The following CUX2 variants were observed in gnomAD, a reference collection of about 807,000 sequenced individuals.
CUX2 encodes homeobox protein cut-like 2.
CUX2 carries 40 observed loss-of-function variants against 144.8 expected under a neutral mutation model. That is an observed-to-expected ratio of 0.28 (90% CI 0.21 to 0.36). The LOEUF is 0.36. Among genes scored for constraint, CUX2 ranks in the 10% least tolerant of loss-of-function variants. CUX2 has a pLI of 1.00. For synonymous variants in CUX2, 827 were observed against 875.6 expected (o/e 0.94, Z 0.98); for missense variants, 1,615 against 1,994.0 (o/e 0.81, Z 3.62).
intron 1 of CUX2, among the ~76,000 whole-genome samples, chr12:111,092,861 C>T (rs1317213139): frequency 7.4e-6 from 1 of 135,944 alleles, no homozygotes; most frequent in Non-Finnish European, 1.5e-5. Flanking sequence ...GTTGCCCAGG[C>T]TGGAGTGCAG....
At chr12:111,125,025 G>A (rs920076506) in intron 1 of CUX2, among the ~76,000 whole-genome samples, 1 of 152,194 alleles carries the variant, frequency 6.6e-6, no homozygotes, top group African/African-American at 2.4e-5. Context: ...GAGGGCAGGA[G>A]AAGTCCGGAG....
Position 111,320,585 on chromosome 12 carries a change from C to A in CUX2, c.2576C>A (p.Ala859Asp). Residue 859 changes from alanine to aspartate, a missense_variant, in exon 17 of 22, where the codon GCC (alanine) becomes GAC (aspartate). Ala to Asp is a moderately radical substitution (Grantham distance 126). This residue lies in a region of CUX2 where 390 missense variants were observed against 387.1 expected (regional missense o/e 1.01). Coordinates refer to ENST00000261726, the MANE Select transcript of CUX2 (RefSeq NM_015267.4). This position sits in a 1 kb window ranked among gnomAD's most constrained non-coding sequence, Gnocchi z 8.1. ...TGELKAEGAT[A>D]EAGARLPYYP... ...GAGCTCAAGGCTGAGGGCGCGACGG[C>A]CGAGGCGGGCGCGCGGCTGCCCTAC... 1 of 1,519,764 alleles carries A rather than the reference C, an allele frequency of 6.6e-7. No individual in the cohort carries two copies. Among genetic ancestry groups the A allele is most frequent in the Non-Finnish European group, 8.8e-7 (1 of 1,141,676 alleles). The allele number at this position is 1,519,764 out of a possible 1,614,324, so 94.1% of individuals were successfully genotyped here.
chr12:111,212,396 C>A (rs899180707), intron 1 of CUX2, among the ~76,000 whole-genome samples: 11 of 152,104 alleles, frequency 7.2e-5, no homozygotes, highest in Admixed American at 2.0e-4. Flanking sequence ...TTCCGCTCCC[C>A]CACCAAAATA....
Position 111,320,506 on chromosome 12 carries a change from C to A in CUX2, c.2497C>A (p.Pro833Thr). ...GCCCCGCGGGGACGAGGCCCCTGTG[C>A]CCCCCGAGGACGAGGCGGCGGCAGG... ...AWPRGDEAPVPPEDEAAAGAE... is the reference protein window; with the variant it reads ...AWPRGDEAPVTPEDEAAAGAE... The change falls in exon 17 of 22, where the codon CCC becomes ACC. Residue 833 changes from proline to threonine, a missense_variant. Physicochemically the swap from Pro to Thr is conservative, Grantham distance 38. Transcript: ENST00000261726. The surrounding 1 kb of genome is among the most constrained non-coding windows in gnomAD (Gnocchi z 8.1). 6.3e-7 allele frequency: 1 copy of A among 1,577,548 alleles called. No homozygotes were observed. Among genetic ancestry groups the A allele is most frequent in the Non-Finnish European group, 8.6e-7 (1 of 1,166,496 alleles).
chr12:111,102,395 A>G (rs1253961087), intron 1 of CUX2, among the ~76,000 whole-genome samples: 1 of 152,158 alleles, frequency 6.6e-6, no homozygotes, highest in Non-Finnish European at 1.5e-5. Flanking sequence ...TGTTTTGTGC[A>G]CTTGTCCAAA....
At chr12:111,204,561 A>G (rs1880799302) in intron 1 of CUX2, among the ~76,000 whole-genome samples, 1 of 152,188 alleles carries the variant, frequency 6.6e-6, no homozygotes, top group Non-Finnish European at 1.5e-5. Flanking sequence ...AACCCAGAGG[A>G]AAATCAGAAA....
intron 14 of CUX2, 123 bp downstream of exon 14, chr12:111,308,649 G>A (rs1886721300): frequency 2.5e-6 from 2 of 813,952 alleles, no homozygotes; most frequent in Admixed American, 2.4e-5. Flanking sequence ...AACAACAGGT[G>A]TGCATTGATT....
intron 4 of CUX2, among the ~76,000 whole-genome samples, chr12:111,288,461 C>T (rs1885505999): frequency 1.3e-5 from 2 of 151,952 alleles, no homozygotes; most frequent in Admixed American, 6.6e-5. Context: ...GGATACCTAA[C>T]CTTGAGGTCC....
chr12:111,065,670 G>C (rs1409213102), intron 1 of CUX2, among the ~76,000 whole-genome samples: 1 of 152,210 alleles, frequency 6.6e-6, no homozygotes, highest in East Asian at 1.9e-4. Context: ...TTTTGTATTT[G>C]TTTTGGCTTA....
At chr12:111,095,410 G>A (rs1049391983) in intron 1 of CUX2, among the ~76,000 whole-genome samples, 4 of 152,044 alleles carry the variant, frequency 2.6e-5, no homozygotes, top group Non-Finnish European at 5.9e-5. Flanking sequence ...AGTGAGCTGT[G>A]ATTGTACCAC....
chr12:111,136,752 T>C (rs758838803), intron 1 of CUX2, among the ~76,000 whole-genome samples: 4 of 152,188 alleles, frequency 2.6e-5, no homozygotes, highest in Non-Finnish European at 5.9e-5. Context: ...TTTGGATCTC[T>C]GGGAGCCTGG....
chr12:111,158,381 G>A (rs1347926350), intron 1 of CUX2, among the ~76,000 whole-genome samples: 1 of 151,550 alleles, frequency 6.6e-6, no homozygotes, highest in Non-Finnish European at 1.5e-5. Context: ...GCCAAAGTGG[G>A]AGGATCTCTT....
intron 1 of CUX2, among the ~76,000 whole-genome samples, chr12:111,062,309 T>C (rs1870816615): frequency 6.6e-6 from 1 of 152,232 alleles, no homozygotes; most frequent in South Asian, 2.1e-4. Flanking sequence ...AGGGCTGTCC[T>C]CCTGGTTGAG....
intron 1 of CUX2, among the ~76,000 whole-genome samples, chr12:111,091,790 G>A (rs1016419973): frequency 9.9e-5 from 15 of 152,204 alleles, no homozygotes; most frequent in Non-Finnish European, 2.1e-4. Flanking sequence ...TCTGGTGGCT[G>A]CCGGCCCTGC....
chr12:111,268,516 G>A (rs551152021), intron 4 of CUX2, among the ~76,000 whole-genome samples: 2 of 152,304 alleles, frequency 1.3e-5, no homozygotes, highest in South Asian at 4.1e-4. Flanking sequence ...ACCCCATCCC[G>A]CGCTCACAGG....
Position 111,064,732 on chromosome 12 carries a change from C to A in CUX2, c.63+30492C>A, listed in dbSNP as rs76562307. On this transcript the variant is annotated intron_variant, in intron 1 of 21. Transcript: ENST00000261726. ...GAACTGCCTAGAAGTGGGTTTCAAC[C>A]CAAGGCCTGGGTTTTATCCTGGCTC... is the stretch of plus-strand genomic sequence containing the variant. Among the ~76,000 whole-genome samples the A allele has an allele frequency of 8.2e-3, 1,253 of 152,246 alleles. 23 individuals carry two copies. Among genetic ancestry groups the A allele is most frequent in the African/African-American group, 0.028 (1,167 of 41,514 alleles).
intron 1 of CUX2, among the ~76,000 whole-genome samples, chr12:111,121,621 C>G: frequency 6.6e-6 from 1 of 151,914 alleles, no homozygotes. Context: ...CTCTGCCTCC[C>G]AAAGTGCTGG....
chr12:111,042,815 C>A (rs906452143), intron 1 of CUX2, among the ~76,000 whole-genome samples: 1 of 144,072 alleles, frequency 6.9e-6, no homozygotes, highest in African/African-American at 2.6e-5. Flanking sequence ...TTTTTTTTAA[C>A]GTAGAAGTGG....
At chr12:111,106,458 T>C (rs1268283794) in intron 1 of CUX2, among the ~76,000 whole-genome samples, 1 of 151,262 alleles carries the variant, frequency 6.6e-6, no homozygotes, top group Admixed American at 6.6e-5. Flanking sequence ...CCCCCAGTCC[T>C]GGCTAATATT....
Sources: allele counts gnomAD v4.1 joint callset (sites outside exome capture counted in the v4.1 genomes callset), GRCh38; gene constraint gnomAD v4.1.1; regional missense constraint gnomAD v4.1.1; non-coding constraint Gnocchi (gnomAD v3.1); transcripts MANE v1.5; gene names NCBI Gene and HGNC (gene_info 2026-07-23, HGNC 2026-07-21).